Variants in ARHGEF18 observed in about 807,000 individuals in gnomAD.
ARHGEF18 encodes the protein Rho/Rac guanine nucleotide exchange factor 18.
Under a neutral mutation model 155.7 loss-of-function variants are expected in ARHGEF18, and 93 were observed. The ratio of observed to expected loss-of-function variants is 0.60; its 90% CI spans 0.50 to 0.71. ARHGEF18 has a LOEUF of 0.71. Among genes scored for constraint, ARHGEF18 ranks in the 30% least tolerant of loss-of-function variants. The pLI is 0.00. For missense variants in ARHGEF18, 1,593 were observed against 1,816.1 expected (o/e 0.88, Z 2.23); for synonymous variants, 742 against 753.1 (o/e 0.99, Z 0.24).
chr19:7,478,765 C>T, the ARHGEF18 span, among the ~76,000 whole-genome samples: 2 of 152,236 alleles, frequency 1.3e-5, no homozygotes, highest in Non-Finnish European at 2.9e-5. Flanking sequence ...GTTTCCCCTC[C>T]GGGCCTCAGC....
chr19:7,453,445 C>A (rs1975626661), intron 16 of ARHGEF18, 22 bp from the exon 17 acceptor site: 1 of 1,570,276 alleles, frequency 6.4e-7, no homozygotes. Context: ...AAGAAAGACG[C>A]TAACTCTGCT....
intron 10 of ARHGEF18, among the ~76,000 whole-genome samples, chr19:7,423,421 T>C (rs1405118811): frequency 6.6e-6 from 1 of 151,886 alleles, no homozygotes; most frequent in Non-Finnish European, 1.5e-5. Flanking sequence ...TAATTGGCCA[T>C]GATCAAAAAG....
chr19:7,478,180 G>A, the ARHGEF18 span: 6 of 910,122 alleles, frequency 6.6e-6, no homozygotes, highest in Non-Finnish European at 1.0e-5. Flanking sequence ...CCACCCACCA[G>A]AGGCTGTGAT....
chr19:7,443,171 C>T (rs1974778525), intron 13 of ARHGEF18, among the ~76,000 whole-genome samples: 1 of 151,552 alleles, frequency 6.6e-6, no homozygotes, highest in Admixed American at 6.6e-5. Flanking sequence ...ATTCTCCTGC[C>T]TCAGCCTTCC....
chr19:7,443,293 G>T (rs1429775288), intron 13 of ARHGEF18, among the ~76,000 whole-genome samples: 3 of 152,026 alleles, frequency 2.0e-5, no homozygotes, highest in Non-Finnish European at 4.4e-5. Context: ...CTGACCTCAT[G>T]ATCCTCCCAC....
chr19:7,418,623 A>T (rs1973148534), intron 10 of ARHGEF18, among the ~76,000 whole-genome samples: 1 of 151,428 alleles, frequency 6.6e-6, no homozygotes, highest in Non-Finnish European at 1.5e-5. Flanking sequence ...TCCCCATCCT[A>T]CAGATGGGGG....
chr19:7,473,908 A>G (rs1977148199), downstream of ARHGEF18, among the ~76,000 whole-genome samples: 1 of 151,180 alleles, frequency 6.6e-6, no homozygotes, highest in Admixed American at 6.6e-5. Flanking sequence ...GCTTGAGCCT[A>G]GGGGTTCAAA....
In ARHGEF18 at chr19:7,440,927, C is replaced by T. The variant is rs749648732; in HGVS notation, c.1106+445C>T. 2.0e-5 allele frequency among the ~76,000 whole-genome samples: 3 copies of T among 152,088 alleles called. No homozygotes were observed. Among genetic ancestry groups the T allele is most frequent in the Non-Finnish European group, 2.9e-5 (2 of 68,016 alleles). ...GCTGATATGTTTGTGGTGACTATTCCATGAGTTCGTGGGAAAGGGAGTAAA... is the reference window on the plus strand; with the variant it reads ...GCTGATATGTTTGTGGTGACTATTCTATGAGTTCGTGGGAAAGGGAGTAAA... On this transcript the variant is annotated intron_variant, in intron 11 of 28. Transcript: ENST00000668164. The surrounding 1 kb of genome is among the most constrained non-coding windows in gnomAD (Gnocchi z 5.4).
chr19:7,439,655 A>T (rs1354039845), intron 10 of ARHGEF18: 7 of 1,161,966 alleles, frequency 6.0e-6, no homozygotes, highest in African/African-American at 4.7e-5. Flanking sequence ...CGATGCTAGA[A>T]TTCTGTTCGA....
chr19:7,475,089 C>A (rs1230692895), downstream of ARHGEF18, among the ~76,000 whole-genome samples: 4 of 152,128 alleles, frequency 2.6e-5, no homozygotes, highest in Non-Finnish European at 5.9e-5. Flanking sequence ...CAAAATTAGC[C>A]AGGCATGCTT....
Position 7,440,461 on chromosome 19 carries a change from C to T in ARHGEF18, c.1085C>T (p.Ala362Val), listed in dbSNP as rs1038970699. ...GGTCCCCAGCCAACACCGAGCCCGGCTGGCCCTGGGACGCAACTCGGGTAA... is the reference window on the plus strand; with the variant it reads ...GGTCCCCAGCCAACACCGAGCCCGGTTGGCCCTGGGACGCAACTCGGGTAA... ...KGGPQPTPSP[A>V]GPGTQLGPIT... is the part of the protein sequence containing the mutation. The change falls in exon 11 of 29, where the codon GCT (alanine) becomes GTT (valine). Residue 362 changes from alanine (A) to valine (V), a missense_variant. By Grantham distance (64) the Ala-to-Val change is moderately conservative. Transcript: ENST00000668164. The surrounding 1 kb of genome is among the most constrained non-coding windows in gnomAD (Gnocchi z 5.4). 2.5e-6 allele frequency: 4 copies of T among 1,599,450 alleles called. No individual in the cohort carries two copies. The highest frequency in any genetic ancestry group is 1.7e-5 in the Admixed American group (1 of 60,010).
At position 7,462,299 on chromosome 19, in the gene ARHGEF18, A is replaced by G. The variant is rs751568541; in HGVS notation, c.2600A>G (p.Gln867Arg). 1.4e-5 allele frequency: 22 copies of G among 1,608,088 alleles called. No individual in the cohort carries two copies. The South Asian group carries it at 2.4e-4, about 18-fold the overall frequency. ...GGAGGGGACCCATCCGAGACCCTGC[A>G]GGGGGAGCTAATTCTCAAGTCGGCC... Reference protein sequence around the residue: ...FRGGDPSETLQGELILKSAMS... With the variant: ...FRGGDPSETLRGELILKSAMS... Residue 867 changes from glutamine to arginine, a missense_variant, in exon 21 of 29, where the codon CAG (glutamine) becomes CGG (arginine). Coordinates refer to ENST00000668164, the MANE Select transcript of ARHGEF18 (RefSeq NM_001367823.1). The surrounding 1 kb of genome is among the most constrained non-coding windows in gnomAD (Gnocchi z 4.4).
the ARHGEF18 span, among the ~76,000 whole-genome samples, chr19:7,478,926 G>A: frequency 2.6e-5 from 4 of 152,146 alleles, no homozygotes; most frequent in African/African-American, 9.7e-5. Flanking sequence ...TACCCAGTGG[G>A]CAGCCTCTGT....
At chr19:7,425,267 A>G (rs1467410972) in intron 10 of ARHGEF18, among the ~76,000 whole-genome samples, 1 of 152,040 alleles carries the variant, frequency 6.6e-6, no homozygotes, top group East Asian at 1.9e-4. Context: ...TATCTTCATT[A>G]AACAAGAGTA....
chr19:7,376,051 C>T (rs537811024), intron 4 of ARHGEF18, among the ~76,000 whole-genome samples, 181 bp downstream of exon 4: 2 of 152,230 alleles, frequency 1.3e-5, no homozygotes, highest in South Asian at 4.1e-4. Context: ...GGATTCCAGC[C>T]TAGGCCTGAA....
chr19:7,418,669 G>T (rs1434450146), intron 10 of ARHGEF18, among the ~76,000 whole-genome samples: 1 of 152,036 alleles, frequency 6.6e-6, no homozygotes, highest in Non-Finnish European at 1.5e-5. Flanking sequence ...CCCTGGCTCT[G>T]GATCTCGGAG....
At position 7,362,001 on chromosome 19, in the gene ARHGEF18, G is replaced by GA. The variant is rs369791394; in HGVS notation, c.-110-778dup. Among the ~76,000 whole-genome samples, 64 of 45,092 alleles carry GA rather than the reference G, an allele frequency of 1.4e-3. 3 individuals are homozygous for GA. Among genetic ancestry groups the GA allele is most frequent in the African/African-American group, 8.1e-3 (63 of 7,784 alleles). The allele number at this position is 45,092 out of a possible 152,430, so 29.6% of individuals were successfully genotyped here. ...AGAGCAAGACTCTGTGGAAGAAGAA[G>GA]AAGAAGAAGAAGAAGGAGAAGGAGA... is the stretch of plus-strand genomic sequence containing the variant. On this transcript the variant is annotated intron_variant, in intron 1 of 28. Coordinates refer to ENST00000668164, the MANE Select transcript of ARHGEF18 (RefSeq NM_001367823.1).
In ARHGEF18 at chr19:7,440,909, T is replaced by C. The variant is rs1205089938; in HGVS notation, c.1106+427T>C. On this transcript the variant is annotated intron_variant, in intron 11 of 28. Transcript: ENST00000668164. The surrounding 1 kb of genome is among the most constrained non-coding windows in gnomAD (Gnocchi z 5.4). ...TAGAAAGTGATGCTAGAAGCTGATATGTTTGTGGTGACTATTCCATGAGTT... is the reference window on the plus strand; with the variant it reads ...TAGAAAGTGATGCTAGAAGCTGATACGTTTGTGGTGACTATTCCATGAGTT... Among the ~76,000 whole-genome samples the C allele has an allele frequency of 1.3e-5, 2 of 152,146 alleles. No individual in the cohort carries two copies. Among genetic ancestry groups the C allele is most frequent in the African/African-American group, 2.4e-5 (1 of 41,438 alleles).
At position 7,455,080 on chromosome 19, in the gene ARHGEF18, C is replaced by T. The variant is rs540410161; in HGVS notation, c.2105-1247C>T. ...CTAGAAACATCCCAAGCTATCTATT[C>T]ACATCAGCATCTTTAAGGATCTTGA... On this transcript the variant is annotated intron_variant, in intron 17 of 28. Coordinates refer to ENST00000668164, the MANE Select transcript of ARHGEF18 (RefSeq NM_001367823.1). 9.2e-5 allele frequency among the ~76,000 whole-genome samples: 14 copies of T among 152,310 alleles called. No individual in the cohort carries two copies. In the East Asian group the frequency reaches 2.7e-3, roughly 29 times the overall value.
Sources: allele counts gnomAD v4.1 joint callset (sites outside exome capture counted in the v4.1 genomes callset), GRCh38; gene constraint gnomAD v4.1.1; non-coding constraint Gnocchi (gnomAD v3.1); transcripts MANE v1.5; gene names NCBI Gene and HGNC (gene_info 2026-07-23, HGNC 2026-07-21).